The following RILPL1 variants were observed in gnomAD, a reference collection of about 807,000 sequenced individuals.
The protein encoded by RILPL1 is Rab interacting lysosomal protein like 1, also known as RILP-like protein 1.
RILPL1 carries 33 observed loss-of-function variants against 50.3 expected under a neutral mutation model. The ratio of observed to expected loss-of-function variants is 0.66; its 90% CI spans 0.50 to 0.88. The LOEUF is 0.88. Among genes scored for constraint, RILPL1 ranks in the 40% least tolerant of loss-of-function variants. RILPL1 has a pLI of 0.00. For missense variants in RILPL1, 418 were observed against 542.5 expected (o/e 0.77, Z 2.28); for synonymous variants, 205 against 228.6 (o/e 0.90, Z 0.93).
intron 4 of RILPL1, among the ~76,000 whole-genome samples, chr12:123,493,190 G>C (rs937584372): frequency 6.6e-6 from 1 of 152,222 alleles, no homozygotes; most frequent in Non-Finnish European, 1.5e-5. Flanking sequence ...CCGCCTTAAG[G>C]CTGGAGGTGG....
chr12:123,497,221 G>A (rs1019723262), intron 4 of RILPL1, among the ~76,000 whole-genome samples: 12 of 152,204 alleles, frequency 7.9e-5, no homozygotes, highest in African/African-American at 2.2e-4. Flanking sequence ...ACCTTTTGGC[G>A]ACTGTGAATA....
chr12:123,518,500 CAAAA>C (rs60479214), intron 2 of RILPL1: 81 of 82,850 alleles, frequency 9.8e-4, no homozygotes, highest in South Asian at 5.2e-3. Context: ...GAGACCTGTC[CAAAA>C]AAAAAAAAAA....
intron 4 of RILPL1, among the ~76,000 whole-genome samples, chr12:123,493,134 G>GGGTTT (rs1441440193): frequency 1.3e-5 from 2 of 152,134 alleles, no homozygotes; most frequent in African/African-American, 4.8e-5. Flanking sequence ...GGAATGTCTC[G>GGGTTT]GTATAAAACC....
intron 2 of RILPL1, among the ~76,000 whole-genome samples, chr12:123,523,024 T>C (rs1270859470): frequency 6.6e-6 from 1 of 152,186 alleles, no homozygotes; most frequent in African/African-American, 2.4e-5. Context: ...GGTTCAAATG[T>C]GACCTCCTCG....
At chr12:123,477,803 G>C (rs1180122682) in intron 6 of RILPL1, among the ~76,000 whole-genome samples, 2 of 152,024 alleles carry the variant, frequency 1.3e-5, no homozygotes, top group Non-Finnish European at 1.5e-5. Context: ...GACACCCAAA[G>C]AGGGTGCCCA....
At chr12:123,475,792 G>A (rs1395732687) in intron 6 of RILPL1, 17 of 1,312,978 alleles carry the variant, frequency 1.3e-5, no homozygotes, top group Non-Finnish European at 1.8e-5. Context: ...AGATAAAAAC[G>A]GGAGGCATGA....
At chr12:123,504,229 C>T (rs1434476377) in intron 2 of RILPL1, among the ~76,000 whole-genome samples, 3 of 152,128 alleles carry the variant, frequency 2.0e-5, no homozygotes, top group Non-Finnish European at 4.4e-5. Flanking sequence ...AACGTCCCTC[C>T]TTAGCCCCCG....
intron 2 of RILPL1, among the ~76,000 whole-genome samples, chr12:123,520,934 A>G (rs1884980039): frequency 6.6e-6 from 1 of 152,214 alleles, no homozygotes; most frequent in Non-Finnish European, 1.5e-5. Context: ...CAGGGTCTCC[A>G]GCAGCCCTGG....
chr12:123,528,358 C>CA lies in RILPL1; in HGVS notation c.310-4714dup, dbSNP rs35456386. On this transcript the variant is annotated intron_variant, in intron 1 of 6. Coordinates refer to ENST00000376874, the MANE Select transcript of RILPL1 (RefSeq NM_178314.5). ...TGGGCAACAGAGTGAGATGCTGTCTCAAAAAAAAAAAAAAGATAACACATT... is the reference window on the plus strand; with the variant it reads ...TGGGCAACAGAGTGAGATGCTGTCTCAAAAAAAAAAAAAAAGATAACACATT... Among the ~76,000 whole-genome samples, 368 of 130,300 alleles carry CA rather than the reference C, an allele frequency of 2.8e-3. 9 individuals are homozygous for CA. Among genetic ancestry groups the CA allele is most frequent in the South Asian group, 4.1e-3 (17 of 4,172 alleles). The allele number at this position is 130,300 out of a possible 152,430, so 85.5% of individuals were successfully genotyped here.
chr12:123,527,339 T>TC (rs398116953), intron 1 of RILPL1, among the ~76,000 whole-genome samples: 2 of 146,798 alleles, frequency 1.4e-5, no homozygotes, highest in Non-Finnish European at 3.0e-5. Flanking sequence ...TTTTTTTTTT[T>TC]ATAAAAAAGG....
chr12:123,507,392 G>A (rs1022648980), intron 2 of RILPL1, among the ~76,000 whole-genome samples: 1 of 151,292 alleles, frequency 6.6e-6, no homozygotes, highest in South Asian at 2.1e-4. Flanking sequence ...GGGAGACCTC[G>A]TCTCTACAAA....
intron 6 of RILPL1, among the ~76,000 whole-genome samples, chr12:123,483,439 C>T (rs957029530): frequency 2.0e-5 from 3 of 152,244 alleles, no homozygotes; most frequent in African/African-American, 4.8e-5. Context: ...GGACCCAGCA[C>T]GTGTTAGCTT....
Position 123,472,661 on chromosome 12 carries a change from A to T in RILPL1, c.1089T>A (p.Asp363Glu). The T allele has an allele frequency of 6.3e-7, 1 of 1,598,792 alleles. No individual in the cohort carries two copies. The highest frequency in any genetic ancestry group is 8.5e-7 in the Non-Finnish European group (1 of 1,172,648). Residue 363 changes from aspartate to glutamate, a missense_variant, in exon 7 of 7, where the codon GAT (aspartate) becomes GAA (glutamate). Physicochemically the swap from Asp to Glu is conservative, Grantham distance 45. Coordinates refer to ENST00000376874, the MANE Select transcript of RILPL1 (RefSeq NM_178314.5). ...TCTGTGTGTTGGCCAGGCGCTTCTT[A>T]TCTCGGGAGAAGAAGCTAAACCTTT... ...IKRLFSFFSR[D>E]KKRLANTQRN...
At chr12:123,511,698 GGTGTGAGATCTGT>G (rs2139363945) in intron 2 of RILPL1, among the ~76,000 whole-genome samples, 1 of 125,864 alleles carries the variant, frequency 7.9e-6, no homozygotes, top group East Asian at 2.4e-4. Context: ...GTGTGTGTGT[GGTGTGAGATCTGT>G]GTGTGTGTGA....
intron 1 of RILPL1, among the ~76,000 whole-genome samples, chr12:123,531,549 G>A (rs1158019446): frequency 6.6e-6 from 1 of 152,140 alleles, no homozygotes; most frequent in African/African-American, 2.4e-5. Context: ...TAGGGTAGGA[G>A]TAGAGGTGCT....
At chr12:123,523,690 C>T in intron 1 of RILPL1, 45 bp from the exon 2 acceptor site, 1 of 1,587,714 alleles carries the variant, frequency 6.3e-7, no homozygotes, top group Non-Finnish European at 8.5e-7. Context: ...CTGCCCAGAG[C>T]AGCCGCCCCA....
intron 4 of RILPL1, among the ~76,000 whole-genome samples, chr12:123,490,838 C>T (rs61953527): frequency 0.038 from 5,826 of 151,644 alleles, 131 homozygotes; most frequent in Middle Eastern, 0.061. Flanking sequence ...GCAACCTCTG[C>T]TTCCTGGGTT....
At position 123,533,372 on chromosome 12, in the gene RILPL1, C is replaced by T. The variant is rs1157713357; in HGVS notation, c.111G>A (p.Glu37=). ...VYDIASLVGH[E]FERVIDQHGC... ...CGTGCTGGTCAATGACCCGCTCGAA[C>T]TCGTGGCCCACAAGCGACGCGATGT... The change falls in exon 1 of 7, where the codon GAG becomes GAA. Residue 37 remains glutamate (E), a synonymous_variant. Transcript: ENST00000376874. This position sits in a 1 kb window ranked among gnomAD's most constrained non-coding sequence, Gnocchi z 6.2. 2 of 1,569,560 alleles carry T rather than the reference C, an allele frequency of 1.3e-6. No individual in the cohort carries two copies. The highest frequency in any genetic ancestry group is 1.7e-6 in the Non-Finnish European group (2 of 1,159,218).
In RILPL1 at chr12:123,506,509, G is replaced by A. The variant is rs557193599; in HGVS notation, c.461-6973C>T. On this transcript the variant is annotated intron_variant, in intron 2 of 6. Coordinates refer to ENST00000376874, the MANE Select transcript of RILPL1 (RefSeq NM_178314.5). ...TTCCAGACTTCCAGCAGGGGTGGGC[G>A]TCCTCTGTATGCACATGACATGGCT... Among the ~76,000 whole-genome samples, 87 of 152,266 alleles carry A rather than the reference G, an allele frequency of 5.7e-4. 1 individual carries two copies. The highest frequency in any genetic ancestry group is 1.6e-3 in the African/African-American group (67 of 41,562).
Sources: allele counts gnomAD v4.1 joint callset (sites outside exome capture counted in the v4.1 genomes callset), GRCh38; gene constraint gnomAD v4.1.1; non-coding constraint Gnocchi (gnomAD v3.1); transcripts MANE v1.5; gene names NCBI Gene and HGNC (gene_info 2026-07-23, HGNC 2026-07-21).